SPDYE4: variants seen among roughly 807,000 people sequenced by gnomAD.
SPDYE4 encodes the protein speedy/RINGO cell cycle regulator family member E4.
Under a neutral mutation model 37.5 loss-of-function variants are expected in SPDYE4, and 30 were observed. The ratio of observed to expected loss-of-function variants is 0.80; its 90% CI spans 0.60 to 1.09. SPDYE4 has a LOEUF of 1.09. Ranked by LOEUF, SPDYE4 falls within the 50% of genes least tolerant of loss-of-function variation. The pLI, the probability that SPDYE4 is intolerant of heterozygous loss-of-function variation, is 0.00. For synonymous variants in SPDYE4, 131 were observed against 120.3 expected (o/e 1.09, Z -0.58); for missense variants, 300 against 307.9 (o/e 0.97, Z 0.19).
chr17:8,750,536 C>G (rs1408836093), downstream of SPDYE4, among the ~76,000 whole-genome samples: 1 of 152,186 alleles, frequency 6.6e-6, no homozygotes, highest in Non-Finnish European at 1.5e-5. Context: ...CGGTGAAACC[C>G]CGTTTCTGCT....
intron 1 of SPDYE4, 32 bp downstream of exon 1, chr17:8,758,242 T>C (rs1397106925): frequency 6.7e-7 from 1 of 1,481,622 alleles, no homozygotes; most frequent in Non-Finnish European, 9.1e-7. Flanking sequence ...CAGTCAATCA[T>C]CTCCCATCGC....
At chr17:8,753,054 T>G in intron 6 of SPDYE4, 40 bp downstream of exon 6, 5,399 of 1,432,968 alleles carry the variant, frequency 3.8e-3, no homozygotes, top group Non-Finnish European at 4.8e-3. Flanking sequence ...TTCTTATAGA[T>G]GAGAATATTC....
chr17:8,755,525 C>G lies in SPDYE4; in HGVS notation c.480G>C (p.Leu160=). Residue 160 remains leucine, a synonymous_variant, in exon 4 of 7, where the codon CTG becomes CTC. Coordinates refer to ENST00000689094, the MANE Select transcript of SPDYE4 (RefSeq NM_001394956.1). ...SWQYQRIHFF[L]ALYLASDMEE... ...GGAAGAAGCAAACTACTCACAGAGC[C>G]AGGAAGAAATGAATGCGTTGGTATT... The G allele has an allele frequency of 6.2e-7, 1 of 1,611,372 alleles. No homozygotes were observed. The highest frequency in any genetic ancestry group is 8.5e-7 in the Non-Finnish European group (1 of 1,179,396).
chr17:8,749,618 T>C (rs1241657384), downstream of SPDYE4, among the ~76,000 whole-genome samples: 1 of 152,078 alleles, frequency 6.6e-6, no homozygotes, highest in Non-Finnish European at 1.5e-5. Context: ...AGGCTGCTCT[T>C]GAACTTCTGG....
At chr17:8,756,484 C>G in intron 2 of SPDYE4, 48 bp from the exon 3 acceptor site, 4 of 1,579,910 alleles carry the variant, frequency 2.5e-6, no homozygotes, top group Non-Finnish European at 3.5e-6. Flanking sequence ...ACAGGGTTGC[C>G]GTGGGAGCAG....
At chr17:8,757,231 G>A (rs2086779633) in intron 2 of SPDYE4, 31 bp downstream of exon 2, 3 of 1,572,696 alleles carry the variant, frequency 1.9e-6, no homozygotes, top group African/African-American at 1.4e-5. Flanking sequence ...AAAGAACAGG[G>A]TTGGAGGTGC....
intron 2 of SPDYE4, 122 bp downstream of exon 2, chr17:8,757,140 C>T: frequency 1.2e-6 from 1 of 868,512 alleles, no homozygotes; most frequent in East Asian, 2.7e-5. Flanking sequence ...GCATCCTCCT[C>T]CTGCATGGAG....
rs780809689 is a variant in SPDYE4 at position 8,753,483 on chromosome 17, C to G, written c.492G>C (p.Leu164=). Residue 164 remains leucine (L), a synonymous_variant, in exon 5 of 7, where the codon CTG becomes CTC. Transcript: ENST00000689094. ...GGTTGTCCTCCTCCATGTCACTGGCCAGGTAGCTGGGGAGAGAGATCAGGT... is the reference window on the plus strand; with the variant it reads ...GGTTGTCCTCCTCCATGTCACTGGCGAGGTAGCTGGGGAGAGAGATCAGGT... ...QRIHFFLALY[L]ASDMEEDNQA... 2 of 1,613,588 alleles carry G rather than the reference C, an allele frequency of 1.2e-6. No homozygotes were observed. The highest frequency in any genetic ancestry group is 1.7e-6 in the Non-Finnish European group (2 of 1,179,878).
At chr17:8,757,868 C>T (rs546256451) in intron 1 of SPDYE4, among the ~76,000 whole-genome samples, 25 of 151,710 alleles carry the variant, frequency 1.6e-4, no homozygotes, top group African/African-American at 5.1e-4. Context: ...CTGCAACCTC[C>T]GCCTCCTGGG....
At position 8,753,411 on chromosome 17, in the gene SPDYE4, G is replaced by C; in HGVS notation, c.564C>G (p.Tyr188Ter). 6.2e-7 allele frequency: 1 copy of C among 1,605,352 alleles called. No homozygotes were observed. Among genetic ancestry groups the C allele is most frequent in the African/African-American group, 1.3e-5 (1 of 74,936 alleles). ...GCTTATGGAACAAGGGTCGCTGGGA[G>C]TAGTTCTTCCCGTAGAGGAAGGAGA... ...DIFSFLYGKN[Y>*]SQRPLFHKLR... The change falls in exon 5 of 7, where the codon TAC becomes TAG. Residue 188 changes from tyrosine (Y) to a stop codon, truncating the protein, a stop_gained. Coordinates refer to ENST00000689094, the MANE Select transcript of SPDYE4 (RefSeq NM_001394956.1). LOFTEE classifies it high-confidence loss of function.
chr17:8,753,325 TC>T lies in SPDYE4; in HGVS notation c.649del (p.Glu217ArgfsTer55), dbSNP rs1567541205. 8.8e-7 allele frequency: 1 copy of T among 1,131,064 alleles called. No homozygotes were observed. The highest frequency in any genetic ancestry group is 5.2e-5 in the East Asian group (1 of 19,084). 70.1% of individuals were successfully genotyped at this position (1,131,064 alleles called of 1,614,324 possible). On this transcript the variant is annotated frameshift_variant, in exon 5 of 7. Coordinates refer to ENST00000689094, the MANE Select transcript of SPDYE4 (RefSeq NM_001394956.1). LOFTEE classifies it high-confidence loss of function. Reference sequence around the variant, plus strand: ...TCCTCATATGGCCCCACCTACCTCCTCCATCTCCTCTGGGGAAACCCACGTC... The same window carrying T: ...TCCTCATATGGCCCCACCTACCTCCTCATCTCCTCTGGGGAAACCCACGTC... ...WRTWVSPEEM[E>X]EIQAYDPEHW...
intron 2 of SPDYE4, 81 bp downstream of exon 2, chr17:8,757,181 T>G: frequency 1.5e-6 from 2 of 1,351,370 alleles, no homozygotes; most frequent in Non-Finnish European, 1.0e-6. Flanking sequence ...ATATTCTTCT[T>G]ATTGGGAAAG....
In SPDYE4 at chr17:8,755,125, T is replaced by C. The variant is rs559214869; in HGVS notation, c.485+395A>G. 2.0e-5 allele frequency among the ~76,000 whole-genome samples: 3 copies of C among 152,210 alleles called. No individual in the cohort carries two copies. In the East Asian group the frequency reaches 5.8e-4, roughly 29 times the overall value. ...CCAGCAGGGAGTATTTGATGATGGA[T>C]CTGTGTTATGCGAGGACGACCTGAA... On this transcript the variant is annotated intron_variant, in intron 4 of 6. Transcript: ENST00000689094.
chr17:8,755,754 C>T (rs1163984415), intron 3 of SPDYE4, 149 bp from the exon 4 acceptor site: 14 of 1,065,376 alleles, frequency 1.3e-5, no homozygotes, highest in South Asian at 8.9e-5. Context: ...TGGGGGCTTG[C>T]GGGTGGAGAG....
At chr17:8,748,835 T>C (rs772642264), downstream of SPDYE4, among the ~76,000 whole-genome samples, 19 of 152,218 alleles carry the variant, frequency 1.2e-4, no homozygotes, top group Non-Finnish European at 2.1e-4. Context: ...TTGAGTGGAT[T>C]GGTTGGACCC....
intron 2 of SPDYE4, among the ~76,000 whole-genome samples, chr17:8,756,754 C>T (rs1320327311): frequency 6.6e-6 from 1 of 152,200 alleles, no homozygotes. Flanking sequence ...ATCATTGCTT[C>T]CTGAGATAGT....
rs1437931084 is a variant in SPDYE4 at position 8,757,338 on chromosome 17, C to A, written c.264G>T (p.Gly88=). ...EDTWVVETLC[G]LKMKLKRKRA... ...GCTTTCGCTTCAGCTTCATCTTGAG[C>A]CCACACAGCGTCTCCACCACCCAGG... The change falls in exon 2 of 7, where the codon GGG becomes GGT. Residue 88 remains glycine (G), a synonymous_variant. Coordinates refer to ENST00000689094, the MANE Select transcript of SPDYE4 (RefSeq NM_001394956.1). 6.2e-7 allele frequency: 1 copy of A among 1,600,722 alleles called. No homozygotes were observed. The highest frequency in any genetic ancestry group is 8.5e-7 in the Non-Finnish European group (1 of 1,173,384).
chr17:8,752,657 A>C (rs2086736381), intron 6 of SPDYE4, among the ~76,000 whole-genome samples: 1 of 151,982 alleles, frequency 6.6e-6, no homozygotes, highest in African/African-American at 2.4e-5. Flanking sequence ...CTAATCCCCA[A>C]CCTTAATCTC....
chr17:8,748,521 C>T (rs1304696067), downstream of SPDYE4, among the ~76,000 whole-genome samples: 1 of 152,182 alleles, frequency 6.6e-6, no homozygotes, highest in African/African-American at 2.4e-5. Context: ...TTCTCAGCCT[C>T]CAGAAATGTG....
Sources: gnomAD v4.1 joint callset for allele counts (sites outside exome capture counted in the v4.1 genomes callset) on GRCh38, gnomAD v4.1.1 for gene constraint, MANE v1.5 for transcripts, NCBI Gene and HGNC (gene_info 2026-07-23, HGNC 2026-07-21) for gene names.